The following EYS variants were observed in gnomAD, a reference collection of about 807,000 sequenced individuals.
EYS encodes the protein EGF-like photoreceptor maintenance factor, also known as protein eyes shut homolog.
In EYS, 250 loss-of-function variants were observed where a neutral mutation model predicts 282.1. The observed-to-expected ratio is 0.89, with a 90% CI of 0.80 to 0.98. EYS has a LOEUF of 0.98. Ranked by LOEUF, EYS falls within the 50% of genes least tolerant of loss-of-function variation. The probability of loss-of-function intolerance (pLI) is 0.00; values close to 1 mark genes in which losing one functional copy is unlikely to be tolerated. For missense variants in EYS, 4,016 were observed against 3,709.0 expected, an observed-to-expected ratio of 1.08 and a Z score of -2.15; for synonymous variants, 1,355 against 1,282.9, an observed-to-expected ratio of 1.06 and a Z score of -1.20.
intron 2 of EYS, among the ~76,000 whole-genome samples, chr6:65,595,312 C>G (rs1424170538): frequency 6.6e-6 from 1 of 151,884 alleles, no homozygotes; most frequent in East Asian, 1.9e-4. Flanking sequence ...CACACTGGGT[C>G]CTGTTGTGTG....
chr6:64,468,494 C>A (rs1449263267), intron 26 of EYS, among the ~76,000 whole-genome samples: 2 of 152,064 alleles, frequency 1.3e-5, no homozygotes, highest in Admixed American at 6.6e-5. Flanking sequence ...CAAAATAATT[C>A]TCTCCCTTTT....
At chr6:65,292,400 G>C (rs771635652) in intron 12 of EYS, among the ~76,000 whole-genome samples, 8 of 151,758 alleles carry the variant, frequency 5.3e-5, no homozygotes, top group Admixed American at 1.3e-4. Flanking sequence ...AGACTGGAAT[G>C]TCGAAGGAAG....
rs1303567031 is a variant in EYS, at chr6:65,335,126, A to G, written c.1620T>C (p.Ser540=). 2 of 1,611,116 alleles carry G rather than the reference A, an allele frequency of 1.2e-6. No individual in the cohort carries two copies. Among genetic ancestry groups the G allele is most frequent in the Admixed American group, 1.7e-5 (1 of 59,706 alleles). ...CCTGACTGTCTTCTTCACTCAAACAACTGCATCCATTTGCACAAATCTATA... is the reference window on the plus strand; with the variant it reads ...CCTGACTGTCTTCTTCACTCAAACAGCTGCATCCATTTGCACAAATCTATA... ...GTKEICANGC[S]CLSEEDSQEY... Residue 540 remains serine, a synonymous_variant, in exon 11 of 43, where the codon AGT becomes AGC. Transcript: ENST00000503581.
chr6:64,325,124 A>G (rs1437043974), intron 29 of EYS, among the ~76,000 whole-genome samples: 1 of 152,218 alleles, frequency 6.6e-6, no homozygotes, highest in African/African-American at 2.4e-5. Flanking sequence ...AGAACAAACC[A>G]GGAATCCCAA....
At chr6:65,285,281 C>T (rs1316821528) in intron 12 of EYS, among the ~76,000 whole-genome samples, 2 of 151,894 alleles carry the variant, frequency 1.3e-5, no homozygotes, top group Non-Finnish European at 2.9e-5. Context: ...GAATAATTTG[C>T]ATTTTTTTCT....
In EYS at chr6:64,590,667, G is replaced by A. The variant is rs1202220867; in HGVS notation, c.5200C>T (p.Leu1734=). The change falls in exon 26 of 43, where the codon CTG becomes TTG. Residue 1734 remains leucine, a synonymous_variant. Transcript: ENST00000503581. The stretch of plus-strand genomic sequence containing the variant: ...CTATCACTTGGGTGAAGTTTGAACA[G>A]TGTATGAGATCCTTTACTTTTTTCC... ...DMEKSKGSHT[L]FKLHPSDSSL... 3.2e-6 allele frequency: 5 copies of A among 1,551,246 alleles called. No individual in the cohort carries two copies. The highest frequency in any genetic ancestry group is 3.5e-6 in the Non-Finnish European group (4 of 1,146,688).
intron 12 of EYS, among the ~76,000 whole-genome samples, chr6:65,277,520 G>T (rs2150271624): frequency 6.6e-6 from 1 of 151,646 alleles, no homozygotes; most frequent in Non-Finnish European, 1.5e-5. Flanking sequence ...GGAGTCAGCA[G>T]TCTGCATTCC....
intron 35 of EYS, among the ~76,000 whole-genome samples, chr6:63,914,471 G>C (rs914685958): frequency 2.0e-4 from 31 of 152,192 alleles, no homozygotes; most frequent in Non-Finnish European, 2.8e-4. Flanking sequence ...GACTTTGGGA[G>C]GTCAAGGTGG....
At chr6:64,450,444 A>T (rs1186813147) in intron 26 of EYS, among the ~76,000 whole-genome samples, 3 of 152,202 alleles carry the variant, frequency 2.0e-5, no homozygotes, top group Non-Finnish European at 4.4e-5. Context: ...CATTAGACAG[A>T]TCAACGAGAC....
At chr6:63,943,033 A>G (rs1223239457) in intron 35 of EYS, among the ~76,000 whole-genome samples, 1 of 152,212 alleles carries the variant, frequency 6.6e-6, no homozygotes, top group Non-Finnish European at 1.5e-5. Flanking sequence ...AATATGTGTT[A>G]ACTGTTTATG....
intron 31 of EYS, among the ~76,000 whole-genome samples, chr6:64,133,067 T>G (rs3013169): frequency 0.54 from 82,263 of 151,754 alleles, 25,504 homozygotes; most frequent in African/African-American, 0.87. Context: ...TATAAATGTT[T>G]CATACTATGA....
intron 22 of EYS, among the ~76,000 whole-genome samples, chr6:64,736,129 G>A (rs570311789): frequency 7.2e-4 from 110 of 152,088 alleles, no homozygotes; most frequent in African/African-American, 2.5e-3. Context: ...AAAATTCACA[G>A]TAAATTCACT....
chr6:65,673,647 A>G (rs1160404094), intron 1 of EYS, among the ~76,000 whole-genome samples: 1 of 151,964 alleles, frequency 6.6e-6, no homozygotes, highest in African/African-American at 2.4e-5. Context: ...TTTCCTGAAG[A>G]TTGAGGACAG....
intron 29 of EYS, among the ~76,000 whole-genome samples, chr6:64,351,590 C>A (rs1232376450): frequency 2.6e-5 from 4 of 151,336 alleles, no homozygotes; most frequent in Non-Finnish European, 5.9e-5. Context: ...GACCCGAGAG[C>A]AGAATAATTT....
chr6:64,075,713 A>G (rs1771749587), intron 32 of EYS, among the ~76,000 whole-genome samples: 1 of 151,966 alleles, frequency 6.6e-6, no homozygotes, highest in African/African-American at 2.4e-5. Flanking sequence ...ACAAGGTACA[A>G]GAGGAAAGGA....
chr6:65,341,609 T>C lies in EYS; in HGVS notation c.1599+2429A>G, dbSNP rs73741298. Among the ~76,000 whole-genome samples the C allele has an allele frequency of 9.9e-3, 1,494 of 151,394 alleles. 29 individuals carry two copies. The highest frequency in any genetic ancestry group is 0.034 in the African/African-American group (1,413 of 41,456). Reference sequence around the variant, plus strand: ...TCTTTCATTTTCATGCTTCTGGGATTAAGAAGCACTAGATTTTTAATTATA... The same window carrying C: ...TCTTTCATTTTCATGCTTCTGGGATCAAGAAGCACTAGATTTTTAATTATA... On this transcript the variant is annotated intron_variant, in intron 10 of 42. Coordinates refer to ENST00000503581, the MANE Select transcript of EYS (RefSeq NM_001142800.2).
chr6:64,102,139 C>G (rs1319199017), intron 31 of EYS, among the ~76,000 whole-genome samples: 4 of 152,112 alleles, frequency 2.6e-5, no homozygotes, highest in African/African-American at 9.7e-5. Flanking sequence ...AACCCCTGGT[C>G]TATGCCACTT....
chr6:65,403,457 A>T (rs2150364335), intron 6 of EYS, among the ~76,000 whole-genome samples: 1 of 152,024 alleles, frequency 6.6e-6, no homozygotes, highest in Non-Finnish European at 1.5e-5. Flanking sequence ...CTGAACAACA[A>T]GATTTATTAA....
intron 35 of EYS, among the ~76,000 whole-genome samples, chr6:63,949,985 A>T (rs1442454701): frequency 6.6e-6 from 1 of 152,150 alleles, no homozygotes; most frequent in Admixed American, 6.5e-5. Flanking sequence ...CAGCCTGGCC[A>T]AGATGGTGAA....
Sources: gnomAD v4.1 joint callset for allele counts (sites outside exome capture counted in the v4.1 genomes callset) on GRCh38, gnomAD v4.1.1 for gene constraint, MANE v1.5 for transcripts, NCBI Gene and HGNC (gene_info 2026-07-23, HGNC 2026-07-21) for gene names.